The following NAV2 variants were observed in gnomAD, a reference collection of about 807,000 sequenced individuals.
The protein encoded by NAV2 is neuron navigator 2, also known as helicase, APC down-regulated 1.
A neutral mutation model predicts 223.2 loss-of-function variants in NAV2; 54 were observed. The ratio of observed to expected loss-of-function variants is 0.24; its 90% CI spans 0.19 to 0.30. NAV2 has a LOEUF of 0.30. NAV2 is among the 10% of genes least tolerant of loss of function. NAV2 has a pLI of 1.00. For missense variants in NAV2, 2,806 were observed against 3,147.5 expected, an observed-to-expected ratio of 0.89 and a Z score of 2.60; for synonymous variants, 1,279 against 1,239.3, an observed-to-expected ratio of 1.03 and a Z score of -0.67.
intron 1 of NAV2, among the ~76,000 whole-genome samples, chr11:19,705,682 A>T (rs1030079282): frequency 5.4e-5 from 8 of 148,116 alleles, no homozygotes; most frequent in Non-Finnish European, 1.2e-4. Context: ...TTATCTCTTT[A>T]AAAAAAAAAT....
intron 28 of NAV2, 106 bp downstream of exon 28, chr11:20,092,474 C>T (rs1048108636): frequency 1.7e-6 from 2 of 1,206,464 alleles, no homozygotes; most frequent in African/African-American, 3.0e-5. Context: ...AATGGAGAGG[C>T]AACAGGCGTG....
chr11:19,695,516 G>A (rs12792660), intron 1 of NAV2, among the ~76,000 whole-genome samples: 8,142 of 152,220 alleles, frequency 0.053, 294 homozygotes, highest in Non-Finnish European at 0.082. Context: ...GCTGTCCTGG[G>A]ATTGATTGGC....
rs531751739 is a variant in NAV2 at position 19,602,264 on chromosome 11, G to A, written c.76-230220G>A. Among the ~76,000 whole-genome samples, 67 of 136,832 alleles carry A rather than the reference G, an allele frequency of 4.9e-4. No homozygotes were observed. The South Asian group carries it at 0.015, about 31-fold the overall frequency. The allele number at this position is 136,832 out of a possible 152,430, so 89.8% of individuals were successfully genotyped here. On this transcript the variant is annotated intron_variant, in intron 1 of 37. Transcript: ENST00000360655. The stretch of plus-strand genomic sequence containing the variant: ...GTGACCTCAGCTCACCACAACCTCC[G>A]CCTCCCGAGTTCAGGCTATTTTCCT...
intron 36 of NAV2, among the ~76,000 whole-genome samples, chr11:20,112,000 GACAGAAGCAGTAGCTGTC>G (rs1446793608): frequency 1.3e-5 from 2 of 152,222 alleles, no homozygotes; most frequent in Admixed American, 6.5e-5. Context: ...GTAGAGTGGA[GACAGAAGCAGTAGCTGTC>G]ACAGAAGCAG....
chr11:20,081,509 T>G (rs2060089645), intron 25 of NAV2, among the ~76,000 whole-genome samples: 1 of 152,218 alleles, frequency 6.6e-6, no homozygotes, highest in Non-Finnish European at 1.5e-5. Flanking sequence ...AAAGCTTAGC[T>G]CTGTCTGATC....
chr11:19,904,589 A>G (rs985447268), intron 6 of NAV2, among the ~76,000 whole-genome samples: 1 of 152,132 alleles, frequency 6.6e-6, no homozygotes, highest in South Asian at 2.1e-4. Flanking sequence ...GTTTTTGAAA[A>G]CAGTTTTATG....
chr11:19,673,293 A>G (rs1448597897), intron 1 of NAV2, among the ~76,000 whole-genome samples: 1 of 152,248 alleles, frequency 6.6e-6, no homozygotes, highest in Non-Finnish European at 1.5e-5. Flanking sequence ...AGCATCTGCT[A>G]TATGCCAGGC....
At chr11:19,624,101 A>G (rs2047090524) in intron 1 of NAV2, among the ~76,000 whole-genome samples, 1 of 152,148 alleles carries the variant, frequency 6.6e-6, no homozygotes, top group African/African-American at 2.4e-5. Flanking sequence ...AGAATAACAA[A>G]TGTTGCTGCC....
chr11:19,903,780 A>T (rs538142374), intron 6 of NAV2, among the ~76,000 whole-genome samples: 2 of 152,174 alleles, frequency 1.3e-5, no homozygotes, highest in African/African-American at 4.8e-5. Context: ...ATTCTCAGGC[A>T]CTGTGCTTGG....
intron 31 of NAV2, among the ~76,000 whole-genome samples, chr11:20,100,709 G>A (rs141926339): frequency 1.3e-5 from 2 of 152,218 alleles, no homozygotes; most frequent in African/African-American, 4.8e-5. Context: ...TGGGAAGTTA[G>A]CCAAGACAGG....
At chr11:19,470,323 G>A (rs1335554748) in intron 1 of NAV2, among the ~76,000 whole-genome samples, 1 of 152,160 alleles carries the variant, frequency 6.6e-6, no homozygotes, top group Non-Finnish European at 1.5e-5. Context: ...CTTAATCAAG[G>A]GACAATTTAC....
At chr11:19,582,061 C>G (rs1351268373) in intron 1 of NAV2, among the ~76,000 whole-genome samples, 1 of 152,200 alleles carries the variant, frequency 6.6e-6, no homozygotes, top group East Asian at 1.9e-4. Context: ...GCCATTCTAA[C>G]TGGTATGAGA....
At chr11:19,435,195 C>G (rs1012776819) in intron 1 of NAV2, among the ~76,000 whole-genome samples, 1 of 152,060 alleles carries the variant, frequency 6.6e-6, no homozygotes, top group Non-Finnish European at 1.5e-5. Context: ...AAACTATATC[C>G]TCCGACCAAT....
chr11:19,861,812 C>T (rs962045410), intron 3 of NAV2, among the ~76,000 whole-genome samples: 2 of 152,224 alleles, frequency 1.3e-5, no homozygotes, highest in African/African-American at 4.8e-5. Context: ...AAAGCATACA[C>T]AGAATGGGAT....
At chr11:19,682,113 C>T (rs780231316) in intron 1 of NAV2, among the ~76,000 whole-genome samples, 30 of 152,112 alleles carry the variant, frequency 2.0e-4, no homozygotes, top group Non-Finnish European at 3.8e-4. Flanking sequence ...CTAGACAGCA[C>T]CTTACCCACA....
intron 12 of NAV2, 80 bp from the exon 13 acceptor site, chr11:20,043,901 T>C: frequency 2.2e-6 from 3 of 1,358,406 alleles, no homozygotes; most frequent in Middle Eastern, 1.9e-4. Flanking sequence ...CTCCAGTGTT[T>C]TGGCATTTTT....
chr11:19,624,995 T>G (rs1339663515), intron 1 of NAV2, among the ~76,000 whole-genome samples: 4 of 152,220 alleles, frequency 2.6e-5, no homozygotes, highest in Non-Finnish European at 5.9e-5. Context: ...TTGATACATA[T>G]AATGTATAGT....
intron 1 of NAV2, among the ~76,000 whole-genome samples, chr11:19,715,809 C>T (rs2152330455): frequency 6.6e-6 from 1 of 152,324 alleles, no homozygotes; most frequent in East Asian, 1.9e-4. Flanking sequence ...CTCTCTCGCC[C>T]TCAATGGGCC....
intron 1 of NAV2, among the ~76,000 whole-genome samples, chr11:19,426,776 A>G (rs1850848121): frequency 6.6e-6 from 1 of 151,956 alleles, no homozygotes; most frequent in Non-Finnish European, 1.5e-5. Context: ...AGGAAAATTT[A>G]TGTCTCTCTT....
Sources: allele counts gnomAD v4.1 joint callset (sites outside exome capture counted in the v4.1 genomes callset), GRCh38; gene constraint gnomAD v4.1.1; transcripts MANE v1.5; gene names NCBI Gene and HGNC (gene_info 2026-07-23, HGNC 2026-07-21).